The following KCNIP3 variants were observed in gnomAD, a reference collection of about 807,000 sequenced individuals.
The protein encoded by KCNIP3 is calsenilin.
A neutral mutation model predicts 35.0 loss-of-function variants in KCNIP3; 28 were observed. That is an observed-to-expected ratio of 0.80 (90% confidence interval 0.59 to 1.10). KCNIP3 has a LOEUF of 1.10. Among genes scored for constraint, KCNIP3 ranks in the 50% least tolerant of loss-of-function variants. The pLI is 0.00. For missense variants in KCNIP3, 295 were observed against 338.4 expected (o/e 0.87, Z 1.01); for synonymous variants, 134 against 133.8 (o/e 1.00, Z -0.01).
At chr2:95,308,660 CGGG>C (rs1678237962) in intron 1 of KCNIP3, among the ~76,000 whole-genome samples, 1 of 152,140 alleles carries the variant, frequency 6.6e-6, no homozygotes, top group Admixed American at 6.5e-5. Flanking sequence ...TCTGTGTGGA[CGGG>C]CATGGCCAGG....
intron 2 of KCNIP3, among the ~76,000 whole-genome samples, chr2:95,350,676 G>A (rs1679492501): frequency 1.3e-5 from 2 of 152,204 alleles, no homozygotes; most frequent in South Asian, 4.1e-4. Flanking sequence ...GTAAGTGGGT[G>A]GAGCCGAGTG....
chr2:95,335,672 T>C (rs1679043877), intron 2 of KCNIP3, among the ~76,000 whole-genome samples: 1 of 152,222 alleles, frequency 6.6e-6, no homozygotes, highest in African/African-American at 2.4e-5. Flanking sequence ...TCATCAGTTT[T>C]GGAAAATTTC....
intron 4 of KCNIP3, 82 bp from the exon 5 acceptor site, chr2:95,375,056 C>T: frequency 6.5e-7 from 1 of 1,528,704 alleles, no homozygotes; most frequent in Non-Finnish European, 9.1e-7. Context: ...GCAGTTAGCA[C>T]CCTCAGCTGG....
intron 2 of KCNIP3, among the ~76,000 whole-genome samples, chr2:95,324,293 C>T (rs561119436): frequency 5.9e-5 from 9 of 152,160 alleles, no homozygotes; most frequent in Middle Eastern, 3.4e-3. Context: ...AGGCGGATCA[C>T]GAGGTCAGGA....
At chr2:95,341,365 G>A (rs1679190136) in intron 2 of KCNIP3, among the ~76,000 whole-genome samples, 2 of 152,194 alleles carry the variant, frequency 1.3e-5, no homozygotes, top group Admixed American at 1.3e-4. Context: ...GGAACCATGA[G>A]ATGAATATAC....
chr2:95,372,285 C>T (rs1293289046), intron 2 of KCNIP3, among the ~76,000 whole-genome samples: 1 of 152,152 alleles, frequency 6.6e-6, no homozygotes, highest in Non-Finnish European at 1.5e-5. Flanking sequence ...AGTGTGCAGC[C>T]TCCATATTTT....
chr2:95,306,531 G>C (rs1218667997), intron 1 of KCNIP3, among the ~76,000 whole-genome samples: 1 of 152,200 alleles, frequency 6.6e-6, no homozygotes, highest in Non-Finnish European at 1.5e-5. Context: ...GAGGTGCATG[G>C]GGGAGGGTGG....
chr2:95,368,518 A>G, intron 2 of KCNIP3: 1 of 287,044 alleles, frequency 3.5e-6, no homozygotes, highest in Non-Finnish European at 7.1e-6. Context: ...TTCCTCAATA[A>G]CCTATGGAAA....
At chr2:95,383,315 G>GT (rs761213272) in intron 8 of KCNIP3, 21 bp downstream of exon 8, 17 of 1,611,080 alleles carry the variant, frequency 1.1e-5, no homozygotes, top group Non-Finnish European at 1.3e-5. Context: ...CGGGAGGCTG[G>GT]GCCACAGTTC....
chr2:95,381,719 G>A lies in KCNIP3; in HGVS notation c.555+16G>A, dbSNP rs756563400. 2 of 1,567,836 alleles carry A rather than the reference G, an allele frequency of 1.3e-6. No homozygotes were observed. The highest frequency in any genetic ancestry group is 1.1e-5 in the South Asian group (1 of 90,076). On this transcript the variant is annotated intron_variant, in intron 6 of 8. Coordinates refer to ENST00000295225, the MANE Select transcript of KCNIP3 (RefSeq NM_013434.5). ...CACCAAAGAGGTAGTAGGGGGCTGG[G>A]GGCAGGGATTGTCCCCTCCTCCCCT...
At chr2:95,344,474 T>C (rs1225711424) in intron 2 of KCNIP3, among the ~76,000 whole-genome samples, 1 of 152,246 alleles carries the variant, frequency 6.6e-6, no homozygotes, top group East Asian at 1.9e-4. Context: ...AGGCCTCGTA[T>C]CCACTTAGGC....
At chr2:95,333,456 A>T (rs1678981565) in intron 2 of KCNIP3, among the ~76,000 whole-genome samples, 1 of 152,012 alleles carries the variant, frequency 6.6e-6, no homozygotes. Flanking sequence ...CTGGACCCTG[A>T]CTCCTCTCCT....
rs1318363068 is a variant in KCNIP3, at chr2:95,377,089, C to T, written c.447+1881C>T. On this transcript the variant is annotated intron_variant, in intron 5 of 8. Transcript: ENST00000295225. The surrounding 1 kb of genome is among the most constrained non-coding windows in gnomAD (Gnocchi z 4.7). ...GGAGTGGCTCCTGCTCCCATCCCCACGGACCTTCTGGGATTTGCCAGCAGC... is the reference window on the plus strand; with the variant it reads ...GGAGTGGCTCCTGCTCCCATCCCCATGGACCTTCTGGGATTTGCCAGCAGC... 6.6e-6 allele frequency among the ~76,000 whole-genome samples: 1 copy of T among 152,218 alleles called. No individual in the cohort carries two copies. The highest frequency in any genetic ancestry group is 1.5e-5 in the Non-Finnish European group (1 of 68,052).
intron 2 of KCNIP3, among the ~76,000 whole-genome samples, chr2:95,323,202 G>A (rs1337634859): frequency 6.6e-6 from 1 of 152,236 alleles, no homozygotes; most frequent in Non-Finnish European, 1.5e-5. Context: ...CCCAGGCACA[G>A]GGCCGTTTGG....
intron 2 of KCNIP3, among the ~76,000 whole-genome samples, chr2:95,348,657 G>T (rs1376407340): frequency 1.3e-5 from 2 of 152,192 alleles, no homozygotes; most frequent in Non-Finnish European, 2.9e-5. Flanking sequence ...TTGCAAGGTG[G>T]ACAGTATGCA....
intron 2 of KCNIP3, among the ~76,000 whole-genome samples, chr2:95,373,532 C>T (rs1281271650): frequency 6.6e-6 from 1 of 150,878 alleles, no homozygotes; most frequent in Non-Finnish European, 1.5e-5. Context: ...ACACCATTCT[C>T]CTGCCTCAGC....
chr2:95,379,067 C>A (rs1162889264), intron 5 of KCNIP3, among the ~76,000 whole-genome samples: 2 of 152,034 alleles, frequency 1.3e-5, no homozygotes, highest in Middle Eastern at 3.2e-3. Flanking sequence ...CACTTTTCCA[C>A]CCCCTGCCAC....
intron 2 of KCNIP3, among the ~76,000 whole-genome samples, chr2:95,323,292 G>T (rs951602846): frequency 8.5e-5 from 13 of 152,252 alleles, no homozygotes; most frequent in African/African-American, 3.1e-4. Context: ...CCTCTGGGGT[G>T]CAGGAGGTTG....
chr2:95,326,219 T>G (rs1678778479), intron 2 of KCNIP3, among the ~76,000 whole-genome samples: 1 of 147,290 alleles, frequency 6.8e-6, no homozygotes, highest in South Asian at 2.2e-4. Flanking sequence ...ACACACACAC[T>G]CATACACATA....
Sources: allele counts gnomAD v4.1 joint callset (sites outside exome capture counted in the v4.1 genomes callset), GRCh38; gene constraint gnomAD v4.1.1; non-coding constraint Gnocchi (gnomAD v3.1); transcripts MANE v1.5; gene names NCBI Gene and HGNC (gene_info 2026-07-23, HGNC 2026-07-21).